Variants in MSRB2 observed in about 807,000 individuals in gnomAD.
The protein encoded by MSRB2 is methionine sulfoxide reductase B2, also known as methionine-R-sulfoxide reductase B2, mitochondrial.
A neutral mutation model predicts 19.0 loss-of-function variants in MSRB2; 17 were observed. The observed-to-expected ratio is 0.89, with a 90% CI of 0.61 to 1.34. The LOEUF is 1.34. Among genes scored for constraint, MSRB2 ranks in the 40% most tolerant of loss-of-function variants. The pLI is 0.00. For missense variants in MSRB2, 208 were observed against 237.6 expected (o/e 0.88, Z 0.82); for synonymous variants, 107 against 99.7 (o/e 1.07, Z -0.44).
At chr10:23,095,818 C>T (rs1195585387) in intron 1 of MSRB2, 92 bp downstream of exon 1, 2 of 872,442 alleles carry the variant, frequency 2.3e-6, no homozygotes, top group Non-Finnish European at 3.0e-6. Context: ...CGGTCCAGGC[C>T]GGGCGCTGCC....
At chr10:23,103,177 A>T (rs1407963925) in intron 1 of MSRB2, among the ~76,000 whole-genome samples, 1 of 152,200 alleles carries the variant, frequency 6.6e-6, no homozygotes, top group Non-Finnish European at 1.5e-5. Flanking sequence ...TGGAGAGGAG[A>T]TAAGTCTTTT....
At chr10:23,116,081 C>A (rs775107845) in intron 3 of MSRB2, among the ~76,000 whole-genome samples, 2 of 152,092 alleles carry the variant, frequency 1.3e-5, no homozygotes, top group Non-Finnish European at 1.5e-5. Context: ...TGCTCACATT[C>A]CATAGATTTC....
At position 23,120,768 on chromosome 10, in the gene MSRB2, A is replaced by T. The variant is rs1469701868; in HGVS notation, c.455A>T (p.His152Leu). The stretch of plus-strand genomic sequence containing the variant: ...TTCTGTCCTTTGCAGTGTGAAGCTC[A>T]TCTAGGTCACGTGTTTCCTGATGGA... ...TEVVCKQCEA[H>L]LGHVFPDGPG... Residue 152 changes from histidine (H) to leucine (L), a missense_variant, in exon 5 of 5, where the codon CAT becomes CTT. Transcript: ENST00000376510. 3.7e-6 allele frequency: 6 copies of T among 1,613,844 alleles called. No individual in the cohort carries two copies. The highest frequency in any genetic ancestry group is 1.3e-5 in the African/African-American group (1 of 74,928).
chr10:23,099,321 C>G (rs1291983615), intron 1 of MSRB2, among the ~76,000 whole-genome samples: 2 of 152,200 alleles, frequency 1.3e-5, no homozygotes, highest in Non-Finnish European at 2.9e-5. Flanking sequence ...TTGACTGAGC[C>G]TTCTAGGCTG....
At chr10:23,117,895 C>G (rs138525184) in intron 3 of MSRB2, among the ~76,000 whole-genome samples, 6 of 152,266 alleles carry the variant, frequency 3.9e-5, no homozygotes, top group Middle Eastern at 3.4e-3. Context: ...CAGCAAAATT[C>G]GAAACTTTTT....
chr10:23,112,488 T>C (rs1396615326), intron 3 of MSRB2, among the ~76,000 whole-genome samples: 1 of 152,178 alleles, frequency 6.6e-6, no homozygotes. Flanking sequence ...GTTGGGAGGA[T>C]AATCTGAGTC....
chr10:23,095,826 GC>G (rs1310354352), intron 1 of MSRB2, 100 bp downstream of exon 1: 6 of 781,950 alleles, frequency 7.7e-6, no homozygotes, highest in African/African-American at 3.6e-5. Flanking sequence ...GCCGGGCGCT[GC>G]CCTCCTACTA....
chr10:23,116,193 C>T (rs562316264), intron 3 of MSRB2, among the ~76,000 whole-genome samples: 44 of 144,504 alleles, frequency 3.0e-4, no homozygotes, highest in African/African-American at 1.1e-3. Flanking sequence ...GTGATAATGC[C>T]ATTGCTATTG....
At chr10:23,116,695 C>G (rs1840114311) in intron 3 of MSRB2, among the ~76,000 whole-genome samples, 3 of 152,146 alleles carry the variant, frequency 2.0e-5, no homozygotes, top group Admixed American at 6.5e-5. Context: ...AACAGAGGGT[C>G]TCAGCTAGTC....
chr10:23,099,876 T>C (rs1014535847), intron 1 of MSRB2, among the ~76,000 whole-genome samples: 2 of 152,230 alleles, frequency 1.3e-5, no homozygotes, highest in African/African-American at 4.8e-5. Flanking sequence ...AAGAAGTACA[T>C]GTTTTAAAGC....
chr10:23,098,196 A>G (rs1024046645), intron 1 of MSRB2, among the ~76,000 whole-genome samples: 2 of 152,188 alleles, frequency 1.3e-5, no homozygotes, highest in African/African-American at 4.8e-5. Flanking sequence ...ACCAGTTTCT[A>G]AAGAGTTCCA....
At chr10:23,108,999 A>G (rs1840015788) in intron 2 of MSRB2, among the ~76,000 whole-genome samples, 1 of 152,182 alleles carries the variant, frequency 6.6e-6, no homozygotes, top group African/African-American at 2.4e-5. Flanking sequence ...ATACTACCAC[A>G]GGGAATTTGG....
At chr10:23,107,777 T>A (rs1839999413) in intron 2 of MSRB2, among the ~76,000 whole-genome samples, 1 of 152,176 alleles carries the variant, frequency 6.6e-6, no homozygotes, top group Non-Finnish European at 1.5e-5. Flanking sequence ...CAGCTCAGCC[T>A]GGGTTTATAT....
intron 1 of MSRB2, among the ~76,000 whole-genome samples, chr10:23,099,590 G>A (rs751199423): frequency 9.2e-5 from 14 of 152,142 alleles, no homozygotes; most frequent in African/African-American, 3.4e-4. Flanking sequence ...ACTGTGTCAC[G>A]CACCTGTAGT....
At chr10:23,106,101 G>T (rs557226989) in intron 2 of MSRB2, among the ~76,000 whole-genome samples, 1 of 152,308 alleles carries the variant, frequency 6.6e-6, no homozygotes, top group African/African-American at 2.4e-5. Context: ...AAATAAATCT[G>T]TGGGCTTCTC....
At chr10:23,114,516 A>C (rs1449628810) in intron 3 of MSRB2, among the ~76,000 whole-genome samples, 1 of 152,216 alleles carries the variant, frequency 6.6e-6, no homozygotes, top group Non-Finnish European at 1.5e-5. Flanking sequence ...AACAGATGTG[A>C]AAACTGAGGC....
chr10:23,104,096 A>G (rs750431903), intron 1 of MSRB2, 48 bp from the exon 2 acceptor site: 2 of 1,487,488 alleles, frequency 1.3e-6, no homozygotes, highest in South Asian at 1.2e-5. Context: ...AGAAAAGTCC[A>G]TCAGGCATTT....
chr10:23,112,930 A>G (rs1588970657), intron 3 of MSRB2, among the ~76,000 whole-genome samples: 1 of 152,208 alleles, frequency 6.6e-6, no homozygotes, highest in African/African-American at 2.4e-5. Flanking sequence ...GGCTGTATAC[A>G]TGAATGCGCT....
chr10:23,104,088 A>T, intron 1 of MSRB2, 56 bp from the exon 2 acceptor site: 1 of 1,446,314 alleles, frequency 6.9e-7, no homozygotes. Flanking sequence ...GTCAAGGAAG[A>T]AAAGTCCATC....
Sources: allele counts gnomAD v4.1 joint callset (sites outside exome capture counted in the v4.1 genomes callset), GRCh38; gene constraint gnomAD v4.1.1; transcripts MANE v1.5; gene names NCBI Gene and HGNC (gene_info 2026-07-23, HGNC 2026-07-21).